IRGM: variants seen among roughly 807,000 people sequenced by gnomAD.
IRGM encodes immunity-related GTPase family M protein.
For synonymous variants in IRGM, 98 were observed against 80.6 expected (o/e 1.22, Z -1.16); for missense variants, 288 against 219.9 (o/e 1.31, Z -1.96).
At chr5:150,876,356 G>T in intron 1 of IRGM, among the ~76,000 whole-genome samples, 1 of 152,166 alleles carries the variant, frequency 6.6e-6, no homozygotes, top group East Asian at 1.9e-4. Context: ...TTTGTTTCCT[G>T]TTCCCATGAC....
chr5:150,858,388 A>T (rs961793451), intron 1 of IRGM, among the ~76,000 whole-genome samples: 16 of 152,206 alleles, frequency 1.1e-4, no homozygotes, highest in Non-Finnish European at 2.1e-4. Flanking sequence ...CTTTTGGCTT[A>T]GGATTGACTT....
At chr5:150,894,475 C>G (rs1754679545) in intron 3 of IRGM, 1 of 152,068 alleles carries the variant, frequency 6.6e-6, no homozygotes, top group Admixed American at 6.6e-5. Context: ...CTTAACATAG[C>G]AAAAATAAGG....
rs181307612 is a variant in IRGM at position 150,890,649 on chromosome 5, T to C, written c.*141-9940T>C. 1.6e-3 allele frequency among the ~76,000 whole-genome samples: 248 copies of C among 152,114 alleles called. 1 individual carries two copies. The highest frequency in any genetic ancestry group is 6.8e-3 in the Middle Eastern group (2 of 294). ...TACGGACATTTCACAAATGTTGATATAGTTGTGTTTTTATTTTCATTAAGT... is the reference window on the plus strand; with the variant it reads ...TACGGACATTTCACAAATGTTGATACAGTTGTGTTTTTATTTTCATTAAGT... On this transcript the variant is annotated intron_variant and NMD_transcript_variant, in intron 3 of 3. Transcript: ENST00000520549.
intron 1 of IRGM, among the ~76,000 whole-genome samples, chr5:150,876,182 C>T (rs1224495559): frequency 6.6e-6 from 1 of 152,204 alleles, no homozygotes; most frequent in Non-Finnish European, 1.5e-5. Flanking sequence ...CAATACTTTG[C>T]AGGGCTGGGG....
At chr5:150,881,342 C>T (rs750551486) in intron 3 of IRGM, among the ~76,000 whole-genome samples, 6 of 151,916 alleles carry the variant, frequency 3.9e-5, no homozygotes, top group Admixed American at 6.6e-5. Flanking sequence ...AAGTGCTGAA[C>T]GTGAAAATTT....
chr5:150,877,435 G>T (rs1159765089), intron 1 of IRGM, among the ~76,000 whole-genome samples: 1 of 152,144 alleles, frequency 6.6e-6, no homozygotes, highest in Non-Finnish European at 1.5e-5. Flanking sequence ...TCGAATATCA[G>T]ACTTCAAGTT....
downstream of IRGM, among the ~76,000 whole-genome samples, chr5:150,851,493 A>C (rs571695886): frequency 5.6e-4 from 85 of 152,306 alleles, no homozygotes; most frequent in African/African-American, 2.0e-3. Context: ...TGTGGGGCAA[A>C]CATTCAACTT....
chr5:150,874,366 C>G (rs2113280498), intron 1 of IRGM, among the ~76,000 whole-genome samples: 1 of 152,224 alleles, frequency 6.6e-6, no homozygotes, highest in Middle Eastern at 3.4e-3. Flanking sequence ...ATTTGTATGC[C>G]AGAGGATGGG....
At chr5:150,869,942 T>C (rs565253977) in intron 1 of IRGM, among the ~76,000 whole-genome samples, 1 of 152,272 alleles carries the variant, frequency 6.6e-6, no homozygotes, top group South Asian at 2.1e-4. Context: ...TCCCCCTGTG[T>C]ATTATACTTC....
At chr5:150,858,558 G>A (rs1754091049) in intron 1 of IRGM, among the ~76,000 whole-genome samples, 1 of 152,180 alleles carries the variant, frequency 6.6e-6, no homozygotes, top group Non-Finnish European at 1.5e-5. Context: ...CTACCCATAA[G>A]CATGGAATGT....
chr5:150,868,052 G>T (rs543101232), intron 1 of IRGM, among the ~76,000 whole-genome samples: 2 of 152,022 alleles, frequency 1.3e-5, no homozygotes, highest in Non-Finnish European at 2.9e-5. Flanking sequence ...CTTTGCCTAA[G>T]CCAATGTTTA....
chr5:150,882,815 G>A (rs1421287135), intron 3 of IRGM, among the ~76,000 whole-genome samples: 1 of 152,110 alleles, frequency 6.6e-6, no homozygotes, highest in African/African-American at 2.4e-5. Flanking sequence ...AGATTATCCA[G>A]ACAGAAAATC....
chr5:150,863,937 G>A (rs1408918462), intron 1 of IRGM, among the ~76,000 whole-genome samples: 2 of 152,178 alleles, frequency 1.3e-5, no homozygotes. Context: ...TTACCAAGCA[G>A]CCTGTCAAAG....
At chr5:150,896,201 A>G (rs533898079) in intron 3 of IRGM, 40 of 1,613,396 alleles carry the variant, frequency 2.5e-5, no homozygotes, top group Admixed American at 8.4e-5. Context: ...CCCCAGTGTG[A>G]ACTCTCTGAT....
Position 150,848,639 on chromosome 5 carries a change from T to A in IRGM, c.516T>A (p.Asn172Lys). The A allele has an allele frequency of 1.3e-6, 2 of 1,543,954 alleles. No homozygotes were observed. The highest frequency in any genetic ancestry group is 1.8e-6 in the Non-Finnish European group (2 of 1,141,174). ...AGATCAGAGAAAATGTCCTGGAAAA[T>A]CTCCAGAAGGAGCGGGTATGTGAAT... ...LLQIRENVLE[N>K]LQKERVCEY Residue 172 changes from asparagine to lysine, a missense_variant, in exon 2 of 2, where the codon AAT (asparagine) becomes AAA (lysine). By Grantham distance (94) the Asn-to-Lys change is moderately conservative. Transcript: ENST00000522154.
intron 3 of IRGM, among the ~76,000 whole-genome samples, chr5:150,899,914 T>C (rs1754933768): frequency 6.6e-6 from 1 of 152,138 alleles, no homozygotes; most frequent in African/African-American, 2.4e-5. Context: ...CAACATTGCC[T>C]GCTTAAAAGC....
rs560842425 is a variant in IRGM, at chr5:150,853,941, T to A, written c.158+5287T>A. 1.9e-4 allele frequency among the ~76,000 whole-genome samples: 29 copies of A among 152,258 alleles called. No homozygotes were observed. The South Asian group carries it at 5.6e-3, about 29-fold the overall frequency. On this transcript the variant is annotated intron_variant and NMD_transcript_variant, in intron 1 of 3. Transcript: ENST00000520549. ...ACATTTAAAGCAATTACTGATAAAGTGGAACTTCTGCCATTTTGATGTTTT... is the reference window on the plus strand; with the variant it reads ...ACATTTAAAGCAATTACTGATAAAGAGGAACTTCTGCCATTTTGATGTTTT...
chr5:150,901,017 G>C (rs944997667), downstream of IRGM, among the ~76,000 whole-genome samples: 2 of 152,036 alleles, frequency 1.3e-5, no homozygotes, highest in Non-Finnish European at 2.9e-5. Flanking sequence ...TGGGGAAATG[G>C]AAGTGCTATT....
At chr5:150,898,062 C>T (rs747285923) in intron 3 of IRGM, 5 of 1,609,486 alleles carry the variant, frequency 3.1e-6, no homozygotes, top group Non-Finnish European at 4.2e-6. Context: ...TTTCACTTCC[C>T]TTGTCTCCCA....
Sources: allele counts gnomAD v4.1 joint callset (sites outside exome capture counted in the v4.1 genomes callset), GRCh38; gene constraint gnomAD v4.1.1; transcripts MANE v1.5; gene names NCBI Gene and HGNC (gene_info 2026-07-23, HGNC 2026-07-21).